TET3: variants seen among roughly 807,000 people sequenced by gnomAD.
TET3 encodes tet methylcytosine dioxygenase 3.
Under a neutral mutation model 141.4 loss-of-function variants are expected in TET3, and 19 were observed. That is an observed-to-expected ratio of 0.13 (90% CI 0.09 to 0.20). The LOEUF (loss-of-function observed/expected upper bound fraction) is 0.20. TET3 is among the 10% of genes least tolerant of loss of function. TET3 has a pLI of 1.00. For synonymous variants in TET3, 1,043 were observed against 980.9 expected (o/e 1.06, Z -1.18); for missense variants, 1,874 against 2,356.9 (o/e 0.80, Z 4.24).
intron 3 of TET3, among the ~76,000 whole-genome samples, chr2:74,016,739 C>CA (rs67430974): frequency 0.31 from 45,347 of 146,690 alleles, 7,414 homozygotes; most frequent in African/African-American, 0.41. Flanking sequence ...AACAAACAAA[C>CA]AAAAAAATAA....
chr2:74,072,635 TAC>T (rs552732087), intron 4 of TET3, among the ~76,000 whole-genome samples: 221 of 152,368 alleles, frequency 1.5e-3, no homozygotes, highest in Non-Finnish European at 2.3e-3. Flanking sequence ...TGTTTATGTG[TAC>T]AGTTTAGTGG....
intron 3 of TET3, among the ~76,000 whole-genome samples, chr2:74,010,105 G>T (rs59372302): frequency 0.023 from 3,442 of 152,308 alleles, 139 homozygotes; most frequent in African/African-American, 0.079. Context: ...GCGTCATTTG[G>T]ACCCTGGGTA....
At chr2:74,095,705 C>A (rs1202621436) in intron 10 of TET3, among the ~76,000 whole-genome samples, 1 of 152,220 alleles carries the variant, frequency 6.6e-6, no homozygotes, top group Non-Finnish European at 1.5e-5. Flanking sequence ...TTTTCCGAGG[C>A]TGTATGTATG....
At chr2:74,043,946 G>A (rs1013077423) in intron 3 of TET3, among the ~76,000 whole-genome samples, 3 of 152,128 alleles carry the variant, frequency 2.0e-5, no homozygotes, top group Non-Finnish European at 4.4e-5. Context: ...GATCATTTGA[G>A]GCCAGAAGTT....
chr2:74,101,665 A>C lies in TET3; in HGVS notation c.4877A>C (p.Lys1626Thr). 6.2e-7 allele frequency: 1 copy of C among 1,613,680 alleles called. No homozygotes were observed. The highest frequency in any genetic ancestry group is 8.5e-7 in the Non-Finnish European group (1 of 1,179,856). The change falls in exon 12 of 12, where the codon AAG becomes ACG. Residue 1626 changes from lysine to threonine, a missense_variant. By Grantham distance (78) the Lys-to-Thr change is moderately conservative. Coordinates refer to ENST00000409262, the MANE Select transcript of TET3 (RefSeq NM_001287491.2). The surrounding 1 kb of genome is among the most constrained non-coding windows in gnomAD (Gnocchi z 8.5). ...PPSKGAVKEE[K>T]GGGGAEEEEE... is the part of the protein sequence containing the mutation. Reference sequence around the variant, plus strand: ...AGCAAGGGAGCGGTGAAGGAGGAGAAGGGCGGTGGTGGTGCGGAGGAGGAA... The same window carrying C: ...AGCAAGGGAGCGGTGAAGGAGGAGACGGGCGGTGGTGGTGCGGAGGAGGAA...
At chr2:74,120,154 A>G in the TET3 span, among the ~76,000 whole-genome samples, 1 of 152,210 alleles carries the variant, frequency 6.6e-6, no homozygotes, top group African/African-American at 2.4e-5. Context: ...TCCCGGAAGG[A>G]CGCTGCTTCG....
chr2:74,017,570 G>A (rs1270083852), intron 3 of TET3, among the ~76,000 whole-genome samples: 1 of 152,034 alleles, frequency 6.6e-6, no homozygotes, highest in Non-Finnish European at 1.5e-5. Context: ...ACAGTATTTT[G>A]TTGTTGTTGT....
the TET3 span, among the ~76,000 whole-genome samples, chr2:74,124,068 G>A: frequency 3.3e-5 from 5 of 151,362 alleles, no homozygotes; most frequent in African/African-American, 4.9e-5. Context: ...CCCGGCAGCC[G>A]CCCCATCTGC....
the TET3 span, among the ~76,000 whole-genome samples, chr2:74,133,120 G>T: frequency 2.0e-5 from 3 of 146,380 alleles, no homozygotes; most frequent in African/African-American, 5.1e-5. Context: ...CACCATGTTG[G>T]CCAGGCTGGT....
At chr2:74,134,906 C>G in the TET3 span, 23 of 378,998 alleles carry the variant, frequency 6.1e-5, no homozygotes, top group Admixed American at 6.5e-4. Context: ...CCCTGCTCCT[C>G]GGTGTGACTT....
chr2:74,097,195 G>GCACGCA (rs1553435449), intron 10 of TET3, among the ~76,000 whole-genome samples: 6 of 137,960 alleles, frequency 4.3e-5, no homozygotes, highest in African/African-American at 1.0e-4. Flanking sequence ...AGCCATACAT[G>GCACGCA]CACACACACA....
chr2:74,014,403 C>T (rs982017348), intron 3 of TET3, among the ~76,000 whole-genome samples: 2 of 152,082 alleles, frequency 1.3e-5, no homozygotes, highest in African/African-American at 4.8e-5. Flanking sequence ...ACCCTTCCTC[C>T]CAGTAAGGGC....
intron 3 of TET3, among the ~76,000 whole-genome samples, chr2:74,016,986 A>G (rs147339321): frequency 2.6e-5 from 4 of 152,216 alleles, no homozygotes; most frequent in Admixed American, 2.0e-4. Flanking sequence ...TCTTCTAGCT[A>G]TTTGAAAATA....
At chr2:74,120,195 G>GCCCGGCT in the TET3 span, among the ~76,000 whole-genome samples, 12 of 152,286 alleles carry the variant, frequency 7.9e-5, no homozygotes, top group South Asian at 2.1e-4. Flanking sequence ...CATTCTAGGC[G>GCCCGGCT]CCCGGCTCCC....
At chr2:74,041,538 C>T (rs181940075) in intron 3 of TET3, among the ~76,000 whole-genome samples, 164 of 151,848 alleles carry the variant, frequency 1.1e-3, no homozygotes, top group Non-Finnish European at 5.6e-4. Context: ...TAGTAGACCC[C>T]GAAATCAACT....
At chr2:74,119,652 C>CT in the TET3 span, among the ~76,000 whole-genome samples, 1 of 152,164 alleles carries the variant, frequency 6.6e-6, no homozygotes, top group African/African-American at 2.4e-5. Context: ...GGAGGTGTTA[C>CT]TTTAAGACTG....
At chr2:74,056,974 C>A (rs1324492560) in intron 4 of TET3, among the ~76,000 whole-genome samples, 1 of 152,196 alleles carries the variant, frequency 6.6e-6, no homozygotes, top group African/African-American at 2.4e-5. Flanking sequence ...AGAAGCCATG[C>A]TCTCTGGAAA....
intron 2 of TET3, among the ~76,000 whole-genome samples, chr2:73,996,810 G>T (rs1684614680): frequency 6.6e-6 from 1 of 152,202 alleles, no homozygotes; most frequent in Admixed American, 6.5e-5. Context: ...TGACCGGCTT[G>T]ATAACCTAAG....
chr2:73,993,649 T>C (rs1684440262), intron 2 of TET3: 1 of 152,218 alleles, frequency 6.6e-6, no homozygotes, highest in African/African-American at 2.4e-5. Context: ...TGAGATTTAC[T>C]GCATGTTTCT....
Sources: gnomAD v4.1 joint callset for allele counts (sites outside exome capture counted in the v4.1 genomes callset) on GRCh38, gnomAD v4.1.1 for gene constraint, Gnocchi (gnomAD v3.1) non-coding constraint, MANE v1.5 for transcripts, NCBI Gene and HGNC (gene_info 2026-07-23, HGNC 2026-07-21) for gene names.